NYAP2: variants seen among roughly 807,000 people sequenced by gnomAD.
NYAP2 encodes neuronal tyrosine-phosphorylated phosphoinositide-3-kinase adapter 2.
NYAP2 carries 23 observed loss-of-function variants against 50.4 expected under a neutral mutation model. That is an observed-to-expected ratio of 0.46 (90% confidence interval 0.33 to 0.65). The LOEUF is 0.65. Ranked by LOEUF, NYAP2 falls within the 30% of genes least tolerant of loss-of-function variation. The pLI is 0.02. For synonymous variants in NYAP2, 394 were observed against 365.2 expected, an observed-to-expected ratio of 1.08 and a Z score of -0.90; for missense variants, 885 against 861.0, an observed-to-expected ratio of 1.03 and a Z score of -0.35.
At chr2:225,571,344 T>G (rs1692069458) in intron 4 of NYAP2, among the ~76,000 whole-genome samples, 1 of 152,224 alleles carries the variant, frequency 6.6e-6, no homozygotes, top group Non-Finnish European at 1.5e-5. Flanking sequence ...CCACCCCACA[T>G]TTCCCTTCCA....
chr2:225,582,255 G>A lies in NYAP2; in HGVS notation c.838G>A (p.Gly280Ser). The change falls in exon 5 of 7, where the codon GGC becomes AGC. Residue 280 changes from glycine to serine, a missense_variant. Transcript: ENST00000636099. The surrounding 1 kb of genome is among the most constrained non-coding windows in gnomAD (Gnocchi z 7.0). ...GAAGTACCCTATCTTTGACGACTTG[G>A]GCCAAGACGCCAAATGTGACTTCGA... is the stretch of plus-strand genomic sequence containing the variant. The A allele has an allele frequency of 1.9e-6, 3 of 1,613,978 alleles. No individual in the cohort carries two copies. The South Asian group carries it at 3.3e-5, about 18-fold the overall frequency.
intron 3 of NYAP2, among the ~76,000 whole-genome samples, chr2:225,449,256 T>C (rs963852958): frequency 2.0e-5 from 3 of 152,320 alleles, no homozygotes; most frequent in African/African-American, 7.2e-5. Flanking sequence ...CTTAACTATA[T>C]AATAGGGTAA....
chr2:225,695,933 T>C, the NYAP2 span, among the ~76,000 whole-genome samples: 1 of 151,896 alleles, frequency 6.6e-6, no homozygotes, highest in Non-Finnish European at 1.5e-5. Flanking sequence ...TCAAATTAGG[T>C]ACAAGCAAGA....
intron 5 of NYAP2, among the ~76,000 whole-genome samples, chr2:225,611,573 A>G (rs1165065549): frequency 6.6e-6 from 1 of 151,878 alleles, no homozygotes; most frequent in Non-Finnish European, 1.5e-5. Context: ...TTGAATCACT[A>G]ATCAAGATTT....
intron 5 of NYAP2, among the ~76,000 whole-genome samples, chr2:225,618,374 G>A (rs113212091): frequency 5.9e-5 from 9 of 152,262 alleles, no homozygotes; most frequent in African/African-American, 2.2e-4. Flanking sequence ...ACAGATCAGG[G>A]CTTACAATAA....
chr2:225,558,874 C>T (rs1223202760), intron 4 of NYAP2, among the ~76,000 whole-genome samples: 1 of 152,112 alleles, frequency 6.6e-6, no homozygotes, highest in Non-Finnish European at 1.5e-5. Flanking sequence ...GTTTTCCTAT[C>T]ACTATGATAC....
intron 3 of NYAP2, among the ~76,000 whole-genome samples, chr2:225,479,139 A>G (rs963216835): frequency 3.3e-5 from 5 of 152,214 alleles, no homozygotes; most frequent in Non-Finnish European, 5.9e-5. Flanking sequence ...ATAGGAAAAG[A>G]TTGAAAAAGG....
At chr2:225,435,569 C>T (rs1005918785) in intron 3 of NYAP2, among the ~76,000 whole-genome samples, 7 of 152,162 alleles carry the variant, frequency 4.6e-5, no homozygotes, top group Non-Finnish European at 4.4e-5. Flanking sequence ...ATTTAGTTTT[C>T]CTTGAGCAGA....
chr2:225,443,130 G>T (rs537814039), intron 3 of NYAP2, among the ~76,000 whole-genome samples: 1 of 152,146 alleles, frequency 6.6e-6, no homozygotes, highest in Non-Finnish European at 1.5e-5. Flanking sequence ...GGGGATAATG[G>T]GAGCTACAAT....
rs145761716 is a variant in NYAP2 at position 225,572,807 on chromosome 2, GA to G, written c.524-9133del. On this transcript the variant is annotated intron_variant, in intron 4 of 6. Transcript: ENST00000636099. Reference sequence around the variant, plus strand: ...CCATGTCCACAACAGAGATCTGACAGAGGACCAGATCCCCTAGGTACTGCTG... The same window carrying G: ...CCATGTCCACAACAGAGATCTGACAGGGACCAGATCCCCTAGGTACTGCTG... Among the ~76,000 whole-genome samples the G allele has an allele frequency of 5.9e-5, 9 of 152,306 alleles. No homozygotes were observed. In the East Asian group the frequency reaches 1.5e-3, roughly 26 times the overall value.
At chr2:225,614,990 T>G (rs917528494) in intron 5 of NYAP2, among the ~76,000 whole-genome samples, 2 of 152,190 alleles carry the variant, frequency 1.3e-5, no homozygotes, top group African/African-American at 4.8e-5. Flanking sequence ...TTCCATCTAG[T>G]GGGTGTGACA....
chr2:225,683,271 A>T, the NYAP2 span, among the ~76,000 whole-genome samples: 1 of 152,052 alleles, frequency 6.6e-6, no homozygotes, highest in Non-Finnish European at 1.5e-5. Flanking sequence ...GCCATGACCC[A>T]CAGGCAATAT....
At chr2:225,576,058 T>C (rs1317902189) in intron 4 of NYAP2, among the ~76,000 whole-genome samples, 1 of 152,258 alleles carries the variant, frequency 6.6e-6, no homozygotes, top group Non-Finnish European at 1.5e-5. Context: ...AGTCCCTTGT[T>C]GTATATATAG....
At chr2:225,480,421 G>A (rs1414099144) in intron 3 of NYAP2, among the ~76,000 whole-genome samples, 1 of 152,176 alleles carries the variant, frequency 6.6e-6, no homozygotes, top group East Asian at 1.9e-4. Context: ...AAAACCAAGT[G>A]GGTGAGTTTA....
intron 3 of NYAP2, among the ~76,000 whole-genome samples, chr2:225,511,509 G>A (rs1690818040): frequency 6.6e-6 from 1 of 152,060 alleles, no homozygotes; most frequent in Non-Finnish European, 1.5e-5. Flanking sequence ...TTGATTTTTA[G>A]TGCACTGAAA....
In NYAP2 at chr2:225,619,843, A is replaced by G. The variant is rs140843226; in HGVS notation, c.1619-7074A>G. On this transcript the variant is annotated intron_variant, in intron 5 of 6. Coordinates refer to ENST00000636099, the Ensembl canonical transcript of NYAP2. ...TGTAACAAATTTAAGACAATGATAT[A>G]CAAAACACCCAGTCTGAAATACAAA... 1.1e-4 allele frequency among the ~76,000 whole-genome samples: 17 copies of G among 152,346 alleles called. No homozygotes were observed. In the East Asian group the frequency reaches 2.9e-3, roughly 26 times the overall value.
chr2:225,548,435 G>C (rs1354647748), intron 4 of NYAP2, among the ~76,000 whole-genome samples: 1 of 151,336 alleles, frequency 6.6e-6, no homozygotes, highest in Non-Finnish European at 1.5e-5. Context: ...CCAAATATAA[G>C]TATTTACAAT....
chr2:225,402,113 A>G (rs886276385), intron 2 of NYAP2, among the ~76,000 whole-genome samples: 1 of 152,172 alleles, frequency 6.6e-6, no homozygotes, highest in African/African-American at 2.4e-5. Context: ...TGCAACATAC[A>G]TGAGCCAACT....
intron 6 of NYAP2, among the ~76,000 whole-genome samples, chr2:225,644,598 CATCTT>C (rs1693595841): frequency 6.7e-6 from 1 of 148,510 alleles, no homozygotes; most frequent in Admixed American, 6.8e-5. Flanking sequence ...GTCTTTAATC[CATCTT>C]GAATTGATTT....
Sources: allele counts gnomAD v4.1 joint callset (sites outside exome capture counted in the v4.1 genomes callset), GRCh38; gene constraint gnomAD v4.1.1; non-coding constraint Gnocchi (gnomAD v3.1); transcripts MANE v1.5; gene names NCBI Gene and HGNC (gene_info 2026-07-23, HGNC 2026-07-21).